LMF1: variants seen among roughly 807,000 people sequenced by gnomAD.
LMF1 encodes lipase maturation factor 1.
A neutral mutation model predicts 60.6 loss-of-function variants in LMF1; 68 were observed. The observed-to-expected ratio is 1.12, with a 90% CI of 0.92 to 1.37. The LOEUF (loss-of-function observed/expected upper bound fraction) is 1.37, where lower values mean the gene tolerates loss of function less well. Among genes scored for constraint, LMF1 ranks in the 40% most tolerant of loss-of-function variants. The pLI is 0.00. For missense variants in LMF1, 948 were observed against 767.2 expected (o/e 1.24, Z -2.78); for synonymous variants, 418 against 324.7 (o/e 1.29, Z -3.09).
At chr16:933,094 C>T (rs775077387) in intron 3 of LMF1, 2 of 152,242 alleles carry the variant, frequency 1.3e-5, no homozygotes, top group East Asian at 1.9e-4. Context: ...TTGCTTCTTG[C>T]TTTAAGAAAA....
At chr16:889,048 G>C (rs967912010) in intron 5 of LMF1, among the ~76,000 whole-genome samples, 12 of 152,166 alleles carry the variant, frequency 7.9e-5, no homozygotes, top group African/African-American at 2.9e-4. Flanking sequence ...TGTCTCATGG[G>C]AGCGGGCCCT....
At chr16:934,103 C>T in intron 3 of LMF1, 141 bp downstream of exon 3, 2 of 1,545,458 alleles carry the variant, frequency 1.3e-6, no homozygotes, top group East Asian at 2.4e-5. Context: ...CACAAGCGCC[C>T]ATCACTGCCC....
At chr16:950,594 G>A (rs1449913742) in intron 2 of LMF1, among the ~76,000 whole-genome samples, 2 of 144,210 alleles carry the variant, frequency 1.4e-5, no homozygotes, top group Non-Finnish European at 3.0e-5. Flanking sequence ...GCCAATGACA[G>A]AGTCAGAGAC....
At chr16:933,377 A>G (rs952019137) in intron 3 of LMF1, 4 of 152,596 alleles carry the variant, frequency 2.6e-5, no homozygotes, top group Non-Finnish European at 5.9e-5. Flanking sequence ...AAGGAATGAA[A>G]ATACGTGAGG....
intron 2 of LMF1, among the ~76,000 whole-genome samples, chr16:945,072 G>A (rs993424032): frequency 1.3e-5 from 2 of 151,940 alleles, no homozygotes. Context: ...TTGGCCAGGC[G>A]TGGTGGCAGA....
At chr16:954,741 T>A in intron 1 of LMF1, 75 bp from the exon 2 acceptor site, 3 of 1,421,912 alleles carry the variant, frequency 2.1e-6, no homozygotes, top group Non-Finnish European at 2.8e-6. Flanking sequence ...CAGCTCAGAA[T>A]GCGGGGCGAG....
At chr16:948,820 C>CAG (rs35560441) in intron 2 of LMF1, among the ~76,000 whole-genome samples, 79 of 87,434 alleles carry the variant, frequency 9.0e-4, no homozygotes, top group African/African-American at 1.6e-3. Context: ...ACGACAGAGT[C>CAG]AGCCAACGAC....
At chr16:969,888 T>C (rs1203912908) in intron 1 of LMF1, among the ~76,000 whole-genome samples, 1 of 152,174 alleles carries the variant, frequency 6.6e-6, no homozygotes, top group Non-Finnish European at 1.5e-5. Flanking sequence ...TTCTGGGTTG[T>C]AGGGACTGGG....
At chr16:865,792 G>A (rs1019070426) in intron 10 of LMF1, among the ~76,000 whole-genome samples, 1 of 152,142 alleles carries the variant, frequency 6.6e-6, no homozygotes, top group African/African-American at 2.4e-5. Context: ...TGGATCTTCT[G>A]TTACAGTCTC....
chr16:908,588 T>C (rs1168850005), intron 4 of LMF1, among the ~76,000 whole-genome samples: 1 of 152,128 alleles, frequency 6.6e-6, no homozygotes, highest in East Asian at 1.9e-4. Context: ...ATGGGGCAGG[T>C]CAGGCCCTGC....
intron 6 of LMF1, 197 bp from the exon 7 acceptor site, chr16:871,538 T>C (rs928502037): frequency 1.0e-5 from 6 of 600,234 alleles, no homozygotes; most frequent in African/African-American, 7.5e-5. Context: ...CAGAGGTGCC[T>C]TCCGGCAGGT....
chr16:922,547 G>A (rs113236108), intron 3 of LMF1, among the ~76,000 whole-genome samples: 3,758 of 139,852 alleles, frequency 0.027, 68 homozygotes, highest in Non-Finnish European at 0.037. Context: ...GTGTGATGTG[G>A]TGTTGGTGTC....
At chr16:934,425 C>G in intron 2 of LMF1, 171 bp from the exon 3 acceptor site, 2 of 717,392 alleles carry the variant, frequency 2.8e-6, no homozygotes, top group Non-Finnish European at 4.7e-6. Flanking sequence ...AGCCCCTCCC[C>G]ACGGCTCACA....
chr16:889,454 T>A (rs934730023), intron 5 of LMF1, among the ~76,000 whole-genome samples: 1 of 151,888 alleles, frequency 6.6e-6, no homozygotes, highest in Non-Finnish European at 1.5e-5. Flanking sequence ...GTCTGCACAC[T>A]CAGAGCTCCC....
At chr16:953,856 C>T (rs79518121) in intron 2 of LMF1, among the ~76,000 whole-genome samples, 2 of 20,934 alleles carry the variant, frequency 9.6e-5, no homozygotes, top group African/African-American at 2.7e-4. Context: ...CCAAACCAGC[C>T]TCCTACACGT....
At chr16:898,675 G>A (rs2070728026) in intron 4 of LMF1, among the ~76,000 whole-genome samples, 1 of 152,232 alleles carries the variant, frequency 6.6e-6, no homozygotes, top group African/African-American at 2.4e-5. Flanking sequence ...GAATTAAGAG[G>A]AGGGCAGTTC....
At chr16:881,839 T>C (rs1042007512) in intron 5 of LMF1, among the ~76,000 whole-genome samples, 6 of 152,180 alleles carry the variant, frequency 3.9e-5, no homozygotes, top group Non-Finnish European at 8.8e-5. Context: ...GTCTGGCTTT[T>C]GGGGTGGGGG....
intron 4 of LMF1, among the ~76,000 whole-genome samples, chr16:902,891 C>T (rs1177417963): frequency 7.7e-5 from 5 of 65,224 alleles, no homozygotes; most frequent in Admixed American, 1.6e-4. Context: ...GTCTCTGCTG[C>T]GTGGTGGTGA....
chr16:879,760 G>A (rs2070109278), intron 5 of LMF1, 23 bp from the exon 6 acceptor site: 1 of 1,561,056 alleles, frequency 6.4e-7, no homozygotes, highest in Non-Finnish European at 8.7e-7. Context: ...GAGGGGCCGT[G>A]AGGTGCCTGG....
Sources: allele counts gnomAD v4.1 joint callset (sites outside exome capture counted in the v4.1 genomes callset), GRCh38; gene constraint gnomAD v4.1.1; transcripts MANE v1.5; gene names NCBI Gene and HGNC (gene_info 2026-07-23, HGNC 2026-07-21).